NEDD4L: variants seen among roughly 807,000 people sequenced by gnomAD.
The protein encoded by NEDD4L is NEDD4 like E3 ubiquitin protein ligase.
In NEDD4L, 54 loss-of-function variants were observed where a neutral mutation model predicts 148.9. The ratio of observed to expected loss-of-function variants is 0.36; its 90% CI spans 0.29 to 0.45. The LOEUF is 0.45. Among genes scored for constraint, NEDD4L ranks in the 20% least tolerant of loss-of-function variants. The pLI, the probability that NEDD4L is intolerant of heterozygous loss-of-function variation, is 1.00. For synonymous variants in NEDD4L, 433 were observed against 440.7 expected (o/e 0.98, Z 0.22); for missense variants, 856 against 1,233.8 (o/e 0.69, Z 4.59).
chr18:58,136,840 C>T (rs1161155252), intron 1 of NEDD4L, among the ~76,000 whole-genome samples: 2 of 152,182 alleles, frequency 1.3e-5, no homozygotes, highest in Non-Finnish European at 2.9e-5. Context: ...TGTCATTCCA[C>T]AAGTGGCCCA....
intron 1 of NEDD4L, among the ~76,000 whole-genome samples, chr18:58,110,092 C>T (rs1258505527): frequency 1.3e-5 from 2 of 152,146 alleles, no homozygotes; most frequent in African/African-American, 4.8e-5. Context: ...GGACAGATTG[C>T]AGAGCTTTGA....
chr18:58,376,833 C>T lies in NEDD4L; in HGVS notation c.2352+3564C>T, dbSNP rs563735526. On this transcript the variant is annotated intron_variant, in intron 24 of 30. Coordinates refer to ENST00000400345, the MANE Select transcript of NEDD4L (RefSeq NM_001144967.3). ...TGGCTCTCCCTGCTCCTCCTCCAGA[C>T]TCACTGTGAATCACAGGCCCCACTG... 6.6e-5 allele frequency among the ~76,000 whole-genome samples: 10 copies of T among 152,362 alleles called. No homozygotes were observed. In the East Asian group the frequency reaches 1.5e-3, roughly 24 times the overall value.
chr18:58,137,974 A>G (rs1030160190), intron 1 of NEDD4L, among the ~76,000 whole-genome samples: 2 of 152,100 alleles, frequency 1.3e-5, no homozygotes, highest in African/African-American at 4.8e-5. Flanking sequence ...AGGCCTATCC[A>G]TGTTCCTGAG....
chr18:58,147,694 C>G (rs906092682), intron 1 of NEDD4L, among the ~76,000 whole-genome samples: 1 of 152,114 alleles, frequency 6.6e-6, no homozygotes, highest in Non-Finnish European at 1.5e-5. Flanking sequence ...AGGAGGGAGA[C>G]GGCCTCATAT....
At chr18:58,195,532 G>T in intron 2 of NEDD4L, 1 of 1,341,934 alleles carries the variant, frequency 7.5e-7, no homozygotes, top group Non-Finnish European at 9.8e-7. Flanking sequence ...GGGCGGGAGC[G>T]GCTGCAGAGC....
At chr18:58,324,913 G>A in intron 8 of NEDD4L, 83 bp from the exon 9 acceptor site, 2 of 1,268,680 alleles carry the variant, frequency 1.6e-6, no homozygotes, top group Non-Finnish European at 2.2e-6. Context: ...CAAGGAGAAG[G>A]GCATGCAGGG....
At chr18:58,242,686 T>G (rs1600148693) in intron 2 of NEDD4L, among the ~76,000 whole-genome samples, 1 of 152,224 alleles carries the variant, frequency 6.6e-6, no homozygotes, top group East Asian at 1.9e-4. Context: ...TGTATTTTTT[T>G]GTAGAGATGG....
At chr18:58,390,450 A>G (rs1463860594) in intron 28 of NEDD4L, 196 bp from the exon 29 acceptor site, 1 of 486,336 alleles carries the variant, frequency 2.1e-6, no homozygotes, top group Non-Finnish European at 3.7e-6. Flanking sequence ...AGAGACGGAC[A>G]TTGTGATCAC....
At chr18:58,347,437 G>A (rs576066494) in intron 16 of NEDD4L, among the ~76,000 whole-genome samples, 11 of 152,190 alleles carry the variant, frequency 7.2e-5, no homozygotes, top group Admixed American at 2.6e-4. Context: ...TACCTGGTCC[G>A]GATCAGAGTT....
intron 24 of NEDD4L, among the ~76,000 whole-genome samples, chr18:58,375,902 C>G (rs2047501077): frequency 6.6e-6 from 1 of 152,110 alleles, no homozygotes; most frequent in Non-Finnish European, 1.5e-5. Context: ...ATTGAAGGGT[C>G]TTAAACTGCC....
chr18:58,069,059 C>G (rs985370241), intron 1 of NEDD4L, among the ~76,000 whole-genome samples: 1 of 147,952 alleles, frequency 6.8e-6, no homozygotes, highest in Non-Finnish European at 1.5e-5. Context: ...TCGCTTGAAC[C>G]TGGGAGGTGG....
chr18:58,253,134 C>A (rs900599877), intron 5 of NEDD4L, among the ~76,000 whole-genome samples: 1 of 152,134 alleles, frequency 6.6e-6, no homozygotes, highest in Non-Finnish European at 1.5e-5. Context: ...AATTGAAACT[C>A]CAGATTTTTA....
chr18:58,206,725 A>T (rs1231750960), intron 2 of NEDD4L, among the ~76,000 whole-genome samples: 2 of 152,168 alleles, frequency 1.3e-5, no homozygotes, highest in Admixed American at 1.3e-4. Context: ...CAGAAGTGAG[A>T]AGTAACAGAA....
intron 5 of NEDD4L, chr18:58,255,485 G>A: frequency 1.6e-6 from 2 of 1,230,246 alleles, no homozygotes; most frequent in Non-Finnish European, 2.0e-6. Context: ...TGCCACTTGG[G>A]TTATTTCTGC....
At chr18:58,326,249 C>A (rs1056476143) in intron 9 of NEDD4L, among the ~76,000 whole-genome samples, 1 of 152,168 alleles carries the variant, frequency 6.6e-6, no homozygotes, top group African/African-American at 2.4e-5. Context: ...AACGAATAGC[C>A]TGTCTTCTCT....
chr18:58,324,928 C>G, intron 8 of NEDD4L, 68 bp from the exon 9 acceptor site: 1 of 1,420,544 alleles, frequency 7.0e-7, no homozygotes, highest in South Asian at 1.3e-5. Flanking sequence ...GCAGGGCATG[C>G]TGTGATGACC....
intron 23 of NEDD4L, 33 bp from the exon 24 acceptor site, chr18:58,373,141 A>T (rs763576862): frequency 8.1e-7 from 1 of 1,233,150 alleles, no homozygotes; most frequent in South Asian, 1.3e-5. Flanking sequence ...TGGGGAAAAA[A>T]TGCTGAATTT....
At chr18:58,337,034 TGTA>T (rs1568748852) in intron 13 of NEDD4L, among the ~76,000 whole-genome samples, 1 of 151,798 alleles carries the variant, frequency 6.6e-6, no homozygotes, top group Non-Finnish European at 1.5e-5. Flanking sequence ...TGGTAGCTGA[TGTA>T]GTAAATGAAG....
At chr18:58,218,792 G>T (rs150745456) in intron 2 of NEDD4L, among the ~76,000 whole-genome samples, 88 of 152,264 alleles carry the variant, frequency 5.8e-4, no homozygotes, top group African/African-American at 2.0e-3. Context: ...GGATTATCCC[G>T]ATATGTGCAT....
Sources: allele counts gnomAD v4.1 joint callset (sites outside exome capture counted in the v4.1 genomes callset), GRCh38; gene constraint gnomAD v4.1.1; transcripts MANE v1.5; gene names NCBI Gene and HGNC (gene_info 2026-07-23, HGNC 2026-07-21).